GPM6A: variants seen among roughly 807,000 people sequenced by gnomAD.
GPM6A encodes glycoprotein M6A.
GPM6A carries 7 observed loss-of-function variants against 32.1 expected under a neutral mutation model. The ratio of observed to expected loss-of-function variants is 0.22; its 90% CI spans 0.12 to 0.41. The LOEUF (loss-of-function observed/expected upper bound fraction) is 0.41, where lower values mean the gene tolerates loss of function less well. GPM6A is among the 10% of genes least tolerant of loss of function. The probability of loss-of-function intolerance (pLI) is 1.00; values close to 1 mark genes in which losing one functional copy is unlikely to be tolerated. For missense variants in GPM6A, 235 were observed against 347.2 expected, an observed-to-expected ratio of 0.68 and a Z score of 2.57; for synonymous variants, 130 against 123.4, an observed-to-expected ratio of 1.05 and a Z score of -0.35.
At chr4:175,877,984 AG>A (rs1393900172) in intron 1 of GPM6A, among the ~76,000 whole-genome samples, 1 of 152,182 alleles carries the variant, frequency 6.6e-6, no homozygotes, top group Non-Finnish European at 1.5e-5. Flanking sequence ...TGGCCAAAAA[AG>A]GGGGCTACAG....
At chr4:175,662,035 A>T (rs1266665735) in intron 3 of GPM6A, among the ~76,000 whole-genome samples, 3 of 152,320 alleles carry the variant, frequency 2.0e-5, no homozygotes, top group East Asian at 1.9e-4. Flanking sequence ...AAAAAATTAC[A>T]TCCAGGTTTG....
chr4:175,942,081 G>A (rs534162368), intron 1 of GPM6A, among the ~76,000 whole-genome samples: 3 of 152,296 alleles, frequency 2.0e-5, no homozygotes, highest in South Asian at 2.1e-4. Flanking sequence ...TCTAACTGGC[G>A]TGAGATGGTA....
chr4:175,713,481 G>A (rs1480276171), intron 1 of GPM6A, among the ~76,000 whole-genome samples: 1 of 152,118 alleles, frequency 6.6e-6, no homozygotes, highest in East Asian at 1.9e-4. Context: ...GTGAGCCACG[G>A]AGCCCTGCCT....
At chr4:175,973,644 T>G (rs918752298) in intron 1 of GPM6A, among the ~76,000 whole-genome samples, 4 of 152,202 alleles carry the variant, frequency 2.6e-5, no homozygotes, top group African/African-American at 7.2e-5. Flanking sequence ...TCAAAAACAC[T>G]GTTCTGAAAG....
At chr4:175,929,740 C>G (rs1738966505) in intron 1 of GPM6A, among the ~76,000 whole-genome samples, 1 of 152,064 alleles carries the variant, frequency 6.6e-6, no homozygotes, top group African/African-American at 2.4e-5. Context: ...ATAAACAAAA[C>G]AACACTCCTA....
At chr4:175,753,009 G>A (rs1204877887) in intron 1 of GPM6A, among the ~76,000 whole-genome samples, 4 of 152,128 alleles carry the variant, frequency 2.6e-5, no homozygotes, top group East Asian at 1.9e-4. Flanking sequence ...ATTCCCATGC[G>A]CTGAAACATA....
chr4:175,889,277 T>A (rs1265093617), intron 1 of GPM6A, among the ~76,000 whole-genome samples: 1 of 152,120 alleles, frequency 6.6e-6, no homozygotes, highest in Non-Finnish European at 1.5e-5. Context: ...GACTGATAAA[T>A]TTGATCACAT....
intron 1 of GPM6A, among the ~76,000 whole-genome samples, chr4:175,734,745 T>C (rs987475940): frequency 2.0e-5 from 3 of 151,998 alleles, no homozygotes; most frequent in African/African-American, 7.3e-5. Flanking sequence ...TGGTGGCAGA[T>C]GCCTGTAATC....
chr4:175,859,484 C>T (rs1369890782), intron 1 of GPM6A, among the ~76,000 whole-genome samples: 1 of 152,128 alleles, frequency 6.6e-6, no homozygotes, highest in Non-Finnish European at 1.5e-5. Context: ...ACTTTTAATT[C>T]AGTATAATTT....
chr4:175,740,272 A>C (rs1056304056), intron 1 of GPM6A, among the ~76,000 whole-genome samples: 1 of 152,104 alleles, frequency 6.6e-6, no homozygotes, highest in African/African-American at 2.4e-5. Context: ...ATACATAGAA[A>C]GTTGACTCAA....
intron 1 of GPM6A, among the ~76,000 whole-genome samples, chr4:175,762,595 C>T (rs906195978): frequency 6.6e-6 from 1 of 152,028 alleles, no homozygotes; most frequent in African/African-American, 2.4e-5. Context: ...GTATTCACTT[C>T]TAGACAGATA....
chr4:175,827,634 C>T (rs939913646), intron 1 of GPM6A, among the ~76,000 whole-genome samples: 5 of 152,258 alleles, frequency 3.3e-5, no homozygotes, highest in Admixed American at 6.5e-5. Context: ...TTTCTCATTG[C>T]GCACAAGCCT....
At chr4:175,857,656 T>C (rs1011199671) in intron 1 of GPM6A, among the ~76,000 whole-genome samples, 1 of 152,058 alleles carries the variant, frequency 6.6e-6, no homozygotes, top group African/African-American at 2.4e-5. Context: ...GGGAATGCAA[T>C]ATCCATTGTT....
At chr4:175,652,071 T>C (rs1427274028) in intron 3 of GPM6A, 84 bp from the exon 4 acceptor site, 5 of 1,030,456 alleles carry the variant, frequency 4.9e-6, no homozygotes, top group East Asian at 2.6e-5. Context: ...AGCTCCATTA[T>C]AGGAAGTTTA....
chr4:175,678,887 T>C (rs533301152), intron 2 of GPM6A, among the ~76,000 whole-genome samples: 17 of 152,336 alleles, frequency 1.1e-4, no homozygotes, highest in Admixed American at 6.5e-4. Flanking sequence ...ACAAGTAGTA[T>C]GTGGAGCAAC....
chr4:175,754,070 T>C (rs1012789349), intron 1 of GPM6A, among the ~76,000 whole-genome samples: 4 of 152,174 alleles, frequency 2.6e-5, no homozygotes, highest in African/African-American at 9.6e-5. Context: ...CTATTAAAAG[T>C]ATTACCAAAT....
intron 2 of GPM6A, among the ~76,000 whole-genome samples, chr4:175,694,091 C>G (rs1404315867): frequency 6.6e-6 from 1 of 152,108 alleles, no homozygotes; most frequent in African/African-American, 2.4e-5. Context: ...AAGCAGATGC[C>G]AGCATCATGC....
At chr4:175,670,917 G>T (rs1218304442) in intron 3 of GPM6A, among the ~76,000 whole-genome samples, 1 of 146,878 alleles carries the variant, frequency 6.8e-6, no homozygotes, top group East Asian at 2.0e-4. Flanking sequence ...AGGCTGGAGT[G>T]CAGTGGCACG....
intron 1 of GPM6A, among the ~76,000 whole-genome samples, chr4:175,795,213 C>G (rs1734170007): frequency 6.6e-6 from 1 of 152,096 alleles, no homozygotes; most frequent in Non-Finnish European, 1.5e-5. Context: ...AAGTCAAGAA[C>G]CAAGGATGTA....
Sources: gnomAD v4.1 joint callset for allele counts (sites outside exome capture counted in the v4.1 genomes callset) on GRCh38, gnomAD v4.1.1 for gene constraint, MANE v1.5 for transcripts, NCBI Gene and HGNC (gene_info 2026-07-23, HGNC 2026-07-21) for gene names.